The following FRMD3 variants were observed in gnomAD, a reference collection of about 807,000 sequenced individuals.
FRMD3 encodes FERM domain containing 3.
Under a neutral mutation model 70.2 loss-of-function variants are expected in FRMD3, and 33 were observed. The observed-to-expected ratio is 0.47, with a 90% CI of 0.36 to 0.63. The LOEUF (loss-of-function observed/expected upper bound fraction) is 0.63, where lower values mean the gene tolerates loss of function less well. FRMD3 is among the 20% of genes least tolerant of loss of function. The pLI is 0.00. For synonymous variants in FRMD3, 279 were observed against 255.9 expected (o/e 1.09, Z -0.86); for missense variants, 632 against 711.4 (o/e 0.89, Z 1.27).
At chr9:83,264,552 T>A (rs1833144104) in intron 13 of FRMD3, among the ~76,000 whole-genome samples, 1 of 152,142 alleles carries the variant, frequency 6.6e-6, no homozygotes, top group African/African-American at 2.4e-5. Context: ...GCTGAGCATG[T>A]GTGAGGGAAA....
At chr9:83,559,923 T>A in the FRMD3 span, among the ~76,000 whole-genome samples, 66 of 152,080 alleles carry the variant, frequency 4.3e-4, no homozygotes, top group African/African-American at 1.6e-3. Context: ...TCTATCTTAT[T>A]ATAATCTTAT....
At chr9:83,357,438 T>C (rs776595463) in intron 3 of FRMD3, among the ~76,000 whole-genome samples, 38 of 151,460 alleles carry the variant, frequency 2.5e-4, no homozygotes, top group Admixed American at 5.9e-4. Context: ...GGGTACTGGA[T>C]ACCCAGTAGT....
chr9:83,388,513 C>A (rs939820656), intron 2 of FRMD3, among the ~76,000 whole-genome samples: 3 of 152,128 alleles, frequency 2.0e-5, no homozygotes, highest in African/African-American at 7.2e-5. Flanking sequence ...TGGGACCCAC[C>A]CCATGAGCCA....
intron 6 of FRMD3, among the ~76,000 whole-genome samples, chr9:83,324,866 A>C (rs1267048858): frequency 1.3e-5 from 2 of 152,240 alleles, no homozygotes. Flanking sequence ...CGCAGGATGC[A>C]AATGCAAGCT....
chr9:83,316,604 G>A (rs1011830483), intron 6 of FRMD3, among the ~76,000 whole-genome samples: 1 of 152,174 alleles, frequency 6.6e-6, no homozygotes, highest in African/African-American at 2.4e-5. Context: ...ATTTCACTGT[G>A]ATATATGTAT....
At chr9:83,492,723 G>C (rs933122878) in intron 1 of FRMD3, among the ~76,000 whole-genome samples, 1 of 152,128 alleles carries the variant, frequency 6.6e-6, no homozygotes, top group East Asian at 1.9e-4. Flanking sequence ...TGTCCACCTC[G>C]ACCCAGTTCC....
intron 1 of FRMD3, among the ~76,000 whole-genome samples, chr9:83,450,826 T>C (rs767942577): frequency 3.9e-5 from 6 of 152,202 alleles, no homozygotes; most frequent in Non-Finnish European, 7.3e-5. Flanking sequence ...ACCGAGGGCC[T>C]GCACTCACGG....
chr9:83,260,365 T>C (rs889410470), intron 13 of FRMD3, among the ~76,000 whole-genome samples: 14 of 152,168 alleles, frequency 9.2e-5, no homozygotes, highest in African/African-American at 3.4e-4. Context: ...AAACTTACCA[T>C]GTTGGCTGAA....
intron 13 of FRMD3, among the ~76,000 whole-genome samples, chr9:83,259,534 A>G (rs1832889996): frequency 6.6e-6 from 1 of 152,134 alleles, no homozygotes; most frequent in South Asian, 2.1e-4. Flanking sequence ...AAACCTTTGG[A>G]AATTCTTATT....
At position 83,461,172 on chromosome 9, in the gene FRMD3, A is replaced by C. The variant is rs372401987; in HGVS notation, c.148-71464T>G. Among the ~76,000 whole-genome samples the C allele has an allele frequency of 1.1e-4, 16 of 152,342 alleles. No homozygotes were observed. In the East Asian group the frequency reaches 1.9e-3, roughly 18 times the overall value. ...TACCATGGATCATACACATAGGCCC[A>C]AAGTAATCACAGGGTCCTTAGACGT... is the stretch of plus-strand genomic sequence containing the variant. On this transcript the variant is annotated intron_variant, in intron 1 of 13. Coordinates refer to ENST00000304195, the MANE Select transcript of FRMD3 (RefSeq NM_174938.6).
upstream of FRMD3, chr9:83,538,412 C>T: frequency 1.2e-5 from 5 of 429,182 alleles, no homozygotes; most frequent in Non-Finnish European, 1.9e-5. The surrounding 1 kb of genome is among the most constrained non-coding windows in gnomAD (Gnocchi z 4.7). Context: ...GGGCGGGTCC[C>T]TCCCTCTGTT....
intron 1 of FRMD3, among the ~76,000 whole-genome samples, chr9:83,461,797 C>T (rs369421815): frequency 6.7e-5 from 10 of 148,418 alleles, no homozygotes; most frequent in African/African-American, 2.5e-4. Flanking sequence ...AAGCAATTCT[C>T]CTGCCTCAGC....
At chr9:83,342,282 A>G (rs1473513527) in intron 5 of FRMD3, among the ~76,000 whole-genome samples, 1 of 151,988 alleles carries the variant, frequency 6.6e-6, no homozygotes, top group African/African-American at 2.4e-5. Context: ...TTTCCTTACT[A>G]GGTGGAAACA....
Position 83,389,522 on chromosome 9 carries a change from A to C in FRMD3, c.252+82T>G, listed in dbSNP as rs2086846652. 4 of 878,884 alleles carry C rather than the reference A, an allele frequency of 4.6e-6. No individual in the cohort carries two copies. The East Asian group carries it at 9.7e-5, about 21-fold the overall frequency. 54.4% of individuals were successfully genotyped at this position (878,884 alleles called of 1,614,324 possible). A position where few individuals can be genotyped will look rare whatever the true frequency, so the allele number is the denominator to read the frequency against. On this transcript the variant is annotated intron_variant, in intron 2 of 13. Coordinates refer to ENST00000304195, the MANE Select transcript of FRMD3 (RefSeq NM_174938.6). ...AATCTATGAGAACAAGGGCATCACT[A>C]GGGCTTTGAGAGGAACCCCCACAGT...
chr9:83,270,614 C>T (rs1016745909), intron 13 of FRMD3, among the ~76,000 whole-genome samples: 10 of 152,348 alleles, frequency 6.6e-5, no homozygotes, highest in Non-Finnish European at 1.3e-4. Context: ...AAAGCACAGA[C>T]TTTGGAGCAG....
At chr9:83,294,328 G>A (rs1834569737) in intron 12 of FRMD3, among the ~76,000 whole-genome samples, 1 of 152,132 alleles carries the variant, frequency 6.6e-6, no homozygotes, top group Admixed American at 6.5e-5. Context: ...AATTTCTGTT[G>A]TCTATAAGCC....
chr9:83,334,893 T>C (rs1232001441), intron 6 of FRMD3, among the ~76,000 whole-genome samples: 3 of 152,198 alleles, frequency 2.0e-5, no homozygotes, highest in Non-Finnish European at 4.4e-5. Context: ...TCATCTGTAA[T>C]ATGAGAATAA....
chr9:83,286,519 C>CGG (rs1834220509), intron 13 of FRMD3, among the ~76,000 whole-genome samples: 2 of 151,950 alleles, frequency 1.3e-5, no homozygotes, highest in Non-Finnish European at 2.9e-5. Flanking sequence ...TTAGTAGAGA[C>CGG]AGGGGTTTCA....
chr9:83,259,134 A>G (rs1358028217), intron 13 of FRMD3, among the ~76,000 whole-genome samples: 1 of 152,206 alleles, frequency 6.6e-6, no homozygotes, highest in Non-Finnish European at 1.5e-5. Flanking sequence ...GACATGCTGA[A>G]ATGTGTAGGA....
Sources: allele counts gnomAD v4.1 joint callset (sites outside exome capture counted in the v4.1 genomes callset), GRCh38; gene constraint gnomAD v4.1.1; non-coding constraint Gnocchi (gnomAD v3.1); transcripts MANE v1.5; gene names NCBI Gene and HGNC (gene_info 2026-07-23, HGNC 2026-07-21).